Variants in PRR16 observed in about 807,000 individuals in gnomAD.
PRR16 encodes the protein proline rich 16.
A neutral mutation model predicts 18.2 loss-of-function variants in PRR16; 6 were observed. That is an observed-to-expected ratio of 0.33 (90% CI 0.18 to 0.65). The LOEUF (loss-of-function observed/expected upper bound fraction) is 0.65. PRR16 is among the 30% of genes least tolerant of loss of function. The probability of loss-of-function intolerance (pLI) is 0.74; values close to 1 mark genes in which losing one functional copy is unlikely to be tolerated. For synonymous variants in PRR16, 151 were observed against 147.8 expected (o/e 1.02, Z -0.16); for missense variants, 412 against 376.6 (o/e 1.09, Z -0.78).
intron 1 of PRR16, among the ~76,000 whole-genome samples, chr5:120,621,547 C>G (rs1360279656): frequency 6.6e-6 from 1 of 152,070 alleles, no homozygotes; most frequent in East Asian, 1.9e-4. Context: ...ACCTAAATCT[C>G]TTCATGAATT....
intron 1 of PRR16, among the ~76,000 whole-genome samples, chr5:120,579,612 T>C (rs748747600): frequency 1.3e-5 from 2 of 152,222 alleles, no homozygotes; most frequent in Non-Finnish European, 2.9e-5. Flanking sequence ...TTGGTCTATA[T>C]GTCTGTTTTG....
chr5:120,634,907 A>T (rs544525008), intron 1 of PRR16, among the ~76,000 whole-genome samples: 1 of 152,064 alleles, frequency 6.6e-6, no homozygotes, highest in Non-Finnish European at 1.5e-5. Context: ...ATCCAAGTAA[A>T]CTCAATTAGA....
intron 1 of PRR16, among the ~76,000 whole-genome samples, chr5:120,667,868 C>T (rs1374653284): frequency 6.6e-6 from 1 of 152,228 alleles, no homozygotes; most frequent in East Asian, 1.9e-4. Context: ...GAGAGCTTTA[C>T]TTCCAACTAT....
chr5:120,584,776 T>A (rs1382370341), intron 1 of PRR16, among the ~76,000 whole-genome samples: 2 of 152,038 alleles, frequency 1.3e-5, no homozygotes, highest in Non-Finnish European at 2.9e-5. Context: ...ACTTATAAAA[T>A]AGTAGTCGTC....
chr5:120,589,777 C>A (rs1020694393), intron 1 of PRR16, among the ~76,000 whole-genome samples: 1 of 152,096 alleles, frequency 6.6e-6, no homozygotes, highest in South Asian at 2.1e-4. Flanking sequence ...CCCACCAGGT[C>A]CCTCCTGCAA....
chr5:120,757,780 C>G, the PRR16 span, among the ~76,000 whole-genome samples: 1 of 151,854 alleles, frequency 6.6e-6, no homozygotes, highest in African/African-American at 2.4e-5. Flanking sequence ...AAATCTCTTA[C>G]TGCTTTTATT....
At chr5:120,640,049 C>T (rs1188762237) in intron 1 of PRR16, among the ~76,000 whole-genome samples, 5 of 152,022 alleles carry the variant, frequency 3.3e-5, no homozygotes, top group African/African-American at 1.2e-4. Context: ...AAAAGAAAAC[C>T]AAATACCACA....
chr5:120,564,863 G>A (rs1306831591), intron 1 of PRR16, among the ~76,000 whole-genome samples: 2 of 152,026 alleles, frequency 1.3e-5, no homozygotes, highest in Non-Finnish European at 2.9e-5. Flanking sequence ...GCGGGCGCCT[G>A]TAGTCCCAGC....
At chr5:120,704,541 G>T in the PRR16 span, among the ~76,000 whole-genome samples, 1 of 152,102 alleles carries the variant, frequency 6.6e-6, no homozygotes, top group Non-Finnish European at 1.5e-5. Flanking sequence ...GAGCACCAAT[G>T]TACTCAAGAG....
At chr5:120,480,196 A>C (rs1749566443) in intron 1 of PRR16, among the ~76,000 whole-genome samples, 2 of 152,108 alleles carry the variant, frequency 1.3e-5, no homozygotes, top group African/African-American at 2.4e-5. Flanking sequence ...AATTGCTTGA[A>C]CCTGGGAGGC....
chr5:120,467,377 T>C (rs1233959681), intron 1 of PRR16, among the ~76,000 whole-genome samples: 1 of 152,188 alleles, frequency 6.6e-6, no homozygotes, highest in East Asian at 1.9e-4. Context: ...TATATCACTA[T>C]GGCAGTCATC....
Position 120,686,379 on chromosome 5 carries a change from A to G in PRR16, c.585A>G (p.Arg195=). The G allele has an allele frequency of 2.5e-6, 4 of 1,614,164 alleles. No individual in the cohort carries two copies. In the African/African-American group the frequency reaches 5.3e-5, roughly 22 times the overall value. ...QLLMHRPEKD[R]CPQAGPRERV... is the part of the protein sequence containing the mutation. ...TGATGCATAGACCTGAAAAAGACAG[A>G]TGTCCCCAGGCAGGGCCTCGAGAAC... The change falls in exon 2 of 2, where the codon AGA becomes AGG. Residue 195 remains arginine (R), a synonymous_variant. Coordinates refer to ENST00000407149, the MANE Select transcript of PRR16 (RefSeq NM_001300783.2).
At chr5:120,479,304 C>A (rs1749537516) in intron 1 of PRR16, among the ~76,000 whole-genome samples, 1 of 152,104 alleles carries the variant, frequency 6.6e-6, no homozygotes, top group Non-Finnish European at 1.5e-5. Context: ...CCACTTCAAT[C>A]AGGGAGACTG....
the PRR16 span, among the ~76,000 whole-genome samples, chr5:120,777,080 C>T: frequency 6.6e-6 from 1 of 151,976 alleles, no homozygotes; most frequent in Non-Finnish European, 1.5e-5. Context: ...TCCCCAAGCT[C>T]TTGGTTCTCA....
intron 1 of PRR16, among the ~76,000 whole-genome samples, chr5:120,655,721 T>C (rs1755947287): frequency 4.2e-5 from 3 of 70,770 alleles, no homozygotes; most frequent in African/African-American, 1.0e-4. Flanking sequence ...ATGATAGCAA[T>C]TGACTTTTTT....
At chr5:120,467,200 C>T (rs1241285051) in intron 1 of PRR16, among the ~76,000 whole-genome samples, 1 of 152,070 alleles carries the variant, frequency 6.6e-6, no homozygotes, top group Non-Finnish European at 1.5e-5. Flanking sequence ...ATTCAGTATT[C>T]TGGCAGCTTA....
At chr5:120,788,801 G>A in the PRR16 span, among the ~76,000 whole-genome samples, 9 of 152,214 alleles carry the variant, frequency 5.9e-5, no homozygotes, top group South Asian at 1.9e-3. Flanking sequence ...CCTGTGTTCA[G>A]TGATTTTTCT....
At chr5:120,468,471 GA>G (rs958360573) in intron 1 of PRR16, among the ~76,000 whole-genome samples, 6 of 151,788 alleles carry the variant, frequency 4.0e-5, no homozygotes, top group African/African-American at 1.2e-4. Flanking sequence ...TCTACACATT[GA>G]AAAAAAAGAA....
the PRR16 span, among the ~76,000 whole-genome samples, chr5:120,780,807 C>T: frequency 1.3e-5 from 2 of 152,118 alleles, no homozygotes; most frequent in African/African-American, 2.4e-5. Flanking sequence ...TCCCGGCGCT[C>T]TGGGAGGCCG....
Sources: gnomAD v4.1 joint callset for allele counts (sites outside exome capture counted in the v4.1 genomes callset) on GRCh38, gnomAD v4.1.1 for gene constraint, MANE v1.5 for transcripts, NCBI Gene and HGNC (gene_info 2026-07-23, HGNC 2026-07-21) for gene names.